The following SUCLG2 variants were observed in gnomAD, a reference collection of about 807,000 sequenced individuals.
SUCLG2 encodes succinate--CoA ligase [GDP-forming] subunit beta, mitochondrial.
A neutral mutation model predicts 47.9 loss-of-function variants in SUCLG2; 42 were observed. The ratio of observed to expected loss-of-function variants is 0.88; its 90% confidence interval spans 0.69 to 1.14. SUCLG2 has a LOEUF of 1.14. Ranked by LOEUF, SUCLG2 falls within the 50% of genes most tolerant of loss-of-function variation. SUCLG2 has a pLI of 0.00. For synonymous variants in SUCLG2, 195 were observed against 197.3 expected, an observed-to-expected ratio of 0.99 and a Z score of 0.10; for missense variants, 571 against 525.9, an observed-to-expected ratio of 1.09 and a Z score of -0.84.
chr3:67,646,241 G>A lies in SUCLG2; in HGVS notation c.84+8262C>T, dbSNP rs80055067. 3.6e-3 allele frequency among the ~76,000 whole-genome samples: 549 copies of A among 152,226 alleles called. 3 individuals are homozygous for A. Among genetic ancestry groups the A allele is most frequent in the African/African-American group, 0.013 (522 of 41,548 alleles). ...TGCTGTTCCTCTCCACAGGCCTCCC[G>A]ACTTCAGCCACAGACAATAAGATGG... is the stretch of plus-strand genomic sequence containing the variant. On this transcript the variant is annotated intron_variant, in intron 1 of 10. Coordinates refer to ENST00000307227, the MANE Select transcript of SUCLG2 (RefSeq NM_003848.4).
intron 10 of SUCLG2, among the ~76,000 whole-genome samples, chr3:67,393,116 A>G (rs1212626887): frequency 3.9e-5 from 6 of 152,216 alleles, no homozygotes; most frequent in African/African-American, 1.4e-4. Flanking sequence ...TGATTTCTGC[A>G]TTTCCATCTG....
At position 67,443,382 on chromosome 3, in the gene SUCLG2, C is replaced by T. The variant is rs1316636081; in HGVS notation, c.1063-42531G>A. Among the ~76,000 whole-genome samples, 22 of 64,960 alleles carry T rather than the reference C, an allele frequency of 3.4e-4. 5 individuals carry two copies. The highest frequency in any genetic ancestry group is 1.2e-3 in the African/African-American group (22 of 18,070). 42.6% of individuals were successfully genotyped at this position (64,960 alleles called of 152,430 possible). ...CCTCGGGAGGCAGCGGCTGGAGGAGCGGACGGGCCCCGCGGGGCCCGAGGG... is the reference window on the plus strand; with the variant it reads ...CCTCGGGAGGCAGCGGCTGGAGGAGTGGACGGGCCCCGCGGGGCCCGAGGG... On this transcript the variant is annotated intron_variant, in intron 9 of 10. Transcript: ENST00000307227.
chr3:67,518,944 G>C (rs1706023704), intron 5 of SUCLG2, among the ~76,000 whole-genome samples: 1 of 151,950 alleles, frequency 6.6e-6, no homozygotes, highest in South Asian at 2.1e-4. Context: ...CAGTTTCCAA[G>C]GTAATTAACT....
intron 7 of SUCLG2, among the ~76,000 whole-genome samples, chr3:67,499,834 C>G (rs575647264): frequency 3.3e-5 from 5 of 152,138 alleles, no homozygotes; most frequent in Admixed American, 1.3e-4. Flanking sequence ...CAGGTTCAAG[C>G]GATTCTCCTG....
chr3:67,441,673 C>T (rs9874854), intron 9 of SUCLG2, among the ~76,000 whole-genome samples: 96,002 of 151,972 alleles, frequency 0.63, 30,634 homozygotes, highest in South Asian at 0.7. Flanking sequence ...CAAAGTAATA[C>T]AGATAACTAA....
intron 10 of SUCLG2, among the ~76,000 whole-genome samples, chr3:67,385,166 G>A (rs908054531): frequency 2.6e-5 from 4 of 152,176 alleles, no homozygotes; most frequent in Admixed American, 2.6e-4. Flanking sequence ...CCGAGAGCAC[G>A]CAGTGGTGTT....
chr3:67,418,077 C>A (rs1420687556), intron 9 of SUCLG2, among the ~76,000 whole-genome samples: 1 of 152,200 alleles, frequency 6.6e-6, no homozygotes, highest in African/African-American at 2.4e-5. Context: ...ATTCTGATCT[C>A]TGCAACAAAA....
rs557129453 is a variant in SUCLG2, at chr3:67,400,625, C to G, written c.1183+106G>C. ...CTGTGTTTGTTTCATCTTACACAAT[C>G]TAGTGTTTCGTTCTGTTATCTCAGG... On this transcript the variant is annotated intron_variant, in intron 10 of 10. Coordinates refer to ENST00000307227, the MANE Select transcript of SUCLG2 (RefSeq NM_003848.4). 95 of 1,480,684 alleles carry G rather than the reference C, an allele frequency of 6.4e-5. No individual in the cohort carries two copies. In the African/African-American group the frequency reaches 1.2e-3, roughly 19 times the overall value. 91.7% of individuals were successfully genotyped at this position (1,480,684 alleles called of 1,614,324 possible).
chr3:67,405,883 A>G (rs1308313835), intron 9 of SUCLG2, among the ~76,000 whole-genome samples: 1 of 152,214 alleles, frequency 6.6e-6, no homozygotes, highest in Non-Finnish European at 1.5e-5. Context: ...GTACTAACGC[A>G]TTTAACACAT....
chr3:67,624,185 C>T (rs187478864), intron 1 of SUCLG2, among the ~76,000 whole-genome samples: 15 of 152,324 alleles, frequency 9.8e-5, no homozygotes, highest in African/African-American at 1.4e-4. Flanking sequence ...TTCTTTATAG[C>T]GGCAGTTTTG....
intron 9 of SUCLG2, among the ~76,000 whole-genome samples, chr3:67,467,352 G>T (rs542503885): frequency 2.6e-5 from 4 of 152,124 alleles, no homozygotes; most frequent in African/African-American, 9.7e-5. Context: ...ATTTTCTTAA[G>T]CTCAAAGGGT....
intron 9 of SUCLG2, among the ~76,000 whole-genome samples, chr3:67,491,038 A>C (rs899481740): frequency 4.6e-5 from 7 of 152,222 alleles, no homozygotes; most frequent in African/African-American, 1.2e-4. Flanking sequence ...ATTACCTTTG[A>C]GGGCCGAACA....
At chr3:67,380,488 A>G (rs1433846237) in intron 10 of SUCLG2, among the ~76,000 whole-genome samples, 1 of 152,184 alleles carries the variant, frequency 6.6e-6, no homozygotes. Flanking sequence ...AGGATCCACA[A>G]AAGTGAATTT....
At chr3:67,376,113 G>C in intron 10 of SUCLG2, 1 of 985,460 alleles carries the variant, frequency 1.0e-6, no homozygotes, top group Non-Finnish European at 1.2e-6. Flanking sequence ...TGGAAGCTGA[G>C]TTGTCTGCTG....
intron 10 of SUCLG2, among the ~76,000 whole-genome samples, chr3:67,365,844 A>C (rs146725846): frequency 6.6e-6 from 1 of 152,338 alleles, no homozygotes; most frequent in Non-Finnish European, 1.5e-5. Flanking sequence ...AAACAAAACT[A>C]TAACGAAATA....
At chr3:67,435,345 G>A (rs973469605) in intron 9 of SUCLG2, among the ~76,000 whole-genome samples, 1 of 152,182 alleles carries the variant, frequency 6.6e-6, no homozygotes, top group African/African-American at 2.4e-5. Flanking sequence ...AATGCAAGGT[G>A]GCTCTGGCTG....
At chr3:67,630,532 G>A (rs1273673711) in intron 1 of SUCLG2, among the ~76,000 whole-genome samples, 1 of 152,190 alleles carries the variant, frequency 6.6e-6, no homozygotes, top group Non-Finnish European at 1.5e-5. Context: ...CCATTCATTT[G>A]ATAAACCCTT....
At chr3:67,473,421 T>C (rs1704653581) in intron 9 of SUCLG2, among the ~76,000 whole-genome samples, 1 of 150,382 alleles carries the variant, frequency 6.6e-6, no homozygotes, top group Non-Finnish European at 1.5e-5. Context: ...ATTCTGAAAT[T>C]TGTGATTTTT....
At chr3:67,420,180 T>C (rs539956705) in intron 9 of SUCLG2, among the ~76,000 whole-genome samples, 1 of 152,258 alleles carries the variant, frequency 6.6e-6, no homozygotes, top group East Asian at 1.9e-4. Flanking sequence ...GAAAATGAAA[T>C]TGAATTGAGT....
Sources: allele counts gnomAD v4.1 joint callset (sites outside exome capture counted in the v4.1 genomes callset), GRCh38; gene constraint gnomAD v4.1.1; transcripts MANE v1.5; gene names NCBI Gene and HGNC (gene_info 2026-07-23, HGNC 2026-07-21).